FARS2: variants seen among roughly 807,000 people sequenced by gnomAD.
FARS2 encodes phenylalanine--tRNA ligase, mitochondrial.
A neutral mutation model predicts 46.4 loss-of-function variants in FARS2; 40 were observed. The observed-to-expected ratio is 0.86, with a 90% CI of 0.67 to 1.12. The LOEUF (loss-of-function observed/expected upper bound fraction) is 1.12. Among genes scored for constraint, FARS2 ranks in the 50% most tolerant of loss-of-function variants. The pLI is 0.00. For synonymous variants in FARS2, 234 were observed against 214.9 expected (o/e 1.09, Z -0.78); for missense variants, 513 against 567.9 (o/e 0.90, Z 0.98).
intron 6 of FARS2, among the ~76,000 whole-genome samples, chr6:5,650,090 A>G (rs1282518620): frequency 1.3e-5 from 2 of 152,100 alleles, no homozygotes; most frequent in Non-Finnish European, 2.9e-5. Context: ...CTAAGGTCAG[A>G]GGACCGAGCC....
chr6:5,716,062 A>G (rs983453373), intron 6 of FARS2, among the ~76,000 whole-genome samples: 1 of 152,206 alleles, frequency 6.6e-6, no homozygotes, highest in Non-Finnish European at 1.5e-5. Context: ...CCTGATGGCC[A>G]GTAATATTGA....
chr6:5,256,491 GAAAAAAAAAAAA>G (rs1161084364), upstream of FARS2, among the ~76,000 whole-genome samples: 5 of 43,860 alleles, frequency 1.1e-4, no homozygotes, highest in African/African-American at 1.5e-4. Context: ...ATTTCAACTG[GAAAAAAAAAAAA>G]AAAAAAAAAA....
intron 1 of FARS2, among the ~76,000 whole-genome samples, chr6:5,269,043 G>A (rs1385927016): frequency 6.6e-6 from 1 of 152,164 alleles, no homozygotes; most frequent in Non-Finnish European, 1.5e-5. Flanking sequence ...GCACACATGT[G>A]TTTATTGCAG....
At chr6:5,260,610 G>GGCCCCCC, upstream of FARS2, 1 of 1,343,012 alleles carries the variant, frequency 7.4e-7, no homozygotes, top group South Asian at 1.3e-5. Flanking sequence ...CCCGGCCCCT[G>GGCCCCCC]GCCCCCCGCC....
At chr6:5,335,544 C>CT (rs1291334710) in intron 1 of FARS2, among the ~76,000 whole-genome samples, 1 of 151,972 alleles carries the variant, frequency 6.6e-6, no homozygotes, top group African/African-American at 2.4e-5. Flanking sequence ...GTTTCAAGCT[C>CT]TTTTTTTGGG....
chr6:5,703,576 T>G (rs1457334525), intron 6 of FARS2, among the ~76,000 whole-genome samples: 3 of 152,246 alleles, frequency 2.0e-5, no homozygotes, highest in South Asian at 4.1e-4. Context: ...TGTCTAAATT[T>G]GATTTCATCT....
At chr6:5,347,517 T>C (rs1198539360) in intron 1 of FARS2, among the ~76,000 whole-genome samples, 1 of 152,132 alleles carries the variant, frequency 6.6e-6, no homozygotes, top group Non-Finnish European at 1.5e-5. Flanking sequence ...TGTGTGTGCG[T>C]GTGTGTGTGT....
chr6:5,508,497 A>T (rs1161380424), intron 4 of FARS2, among the ~76,000 whole-genome samples: 1 of 146,922 alleles, frequency 6.8e-6, no homozygotes, highest in Admixed American at 6.8e-5. Flanking sequence ...TCTGTGAATT[A>T]GCAGGAGATC....
intron 6 of FARS2, among the ~76,000 whole-genome samples, chr6:5,635,879 C>G (rs1390495028): frequency 6.6e-6 from 1 of 152,138 alleles, no homozygotes; most frequent in African/African-American, 2.4e-5. Flanking sequence ...CAAGCAGTCA[C>G]TGTCAGTGTT....
intron 5 of FARS2, among the ~76,000 whole-genome samples, chr6:5,550,318 C>T (rs933109061): frequency 6.6e-6 from 1 of 152,174 alleles, no homozygotes; most frequent in African/African-American, 2.4e-5. Flanking sequence ...GCTCTTTCAT[C>T]AGGCTGGAGC....
chr6:5,641,113 A>G (rs1363960569), intron 6 of FARS2, among the ~76,000 whole-genome samples: 2 of 152,026 alleles, frequency 1.3e-5, no homozygotes, highest in Non-Finnish European at 2.9e-5. Flanking sequence ...GTTCTGCAAC[A>G]TTGTCTTTAT....
intron 5 of FARS2, among the ~76,000 whole-genome samples, chr6:5,586,518 C>A (rs1773620599): frequency 6.6e-6 from 1 of 152,114 alleles, no homozygotes; most frequent in South Asian, 2.1e-4. Flanking sequence ...GTTCAACCAT[C>A]CTTGTATCCC....
At chr6:5,691,423 T>A (rs576039192) in intron 6 of FARS2, among the ~76,000 whole-genome samples, 2 of 152,354 alleles carry the variant, frequency 1.3e-5, no homozygotes, top group Non-Finnish European at 2.9e-5. Flanking sequence ...GACCCTCAGC[T>A]ATAGGTCTGT....
At chr6:5,534,661 T>C (rs757201216) in intron 4 of FARS2, among the ~76,000 whole-genome samples, 4 of 152,214 alleles carry the variant, frequency 2.6e-5, no homozygotes, top group Non-Finnish European at 5.9e-5. Context: ...CATTCATCTG[T>C]TGACAGACAC....
intron 6 of FARS2, among the ~76,000 whole-genome samples, chr6:5,691,589 G>T (rs978783163): frequency 2.0e-5 from 3 of 152,222 alleles, no homozygotes; most frequent in African/African-American, 7.2e-5. Context: ...TGAGGTGTCA[G>T]TCTGCCCCTA....
intron 1 of FARS2, among the ~76,000 whole-genome samples, chr6:5,279,904 A>G (rs1346271964): frequency 6.6e-6 from 1 of 152,252 alleles, no homozygotes; most frequent in Admixed American, 6.5e-5. Flanking sequence ...AATCTCATCC[A>G]GAAACATGCT....
chr6:5,710,734 AGGATCCCCT>A (rs1759092160), intron 6 of FARS2, among the ~76,000 whole-genome samples: 1 of 152,224 alleles, frequency 6.6e-6, no homozygotes, highest in Non-Finnish European at 1.5e-5. Flanking sequence ...ATTTCCGGAG[AGGATCCCCT>A]GGTCCTCGGC....
intron 6 of FARS2, among the ~76,000 whole-genome samples, chr6:5,652,385 GA>G: frequency 6.6e-6 from 1 of 152,054 alleles, no homozygotes. Context: ...GTAGAACTTT[GA>G]TAAAAATAAA....
intron 6 of FARS2, among the ~76,000 whole-genome samples, chr6:5,624,987 C>G (rs1775962304): frequency 6.6e-6 from 1 of 152,212 alleles, no homozygotes; most frequent in Non-Finnish European, 1.5e-5. Flanking sequence ...CCGCCTAACT[C>G]ACTGTCCATC....
Sources: allele counts gnomAD v4.1 joint callset (sites outside exome capture counted in the v4.1 genomes callset), GRCh38; gene constraint gnomAD v4.1.1; transcripts MANE v1.5; gene names NCBI Gene and HGNC (gene_info 2026-07-23, HGNC 2026-07-21).